MINDY3: variants seen among roughly 807,000 people sequenced by gnomAD.
The protein encoded by MINDY3 is MINDY lysine 48 deubiquitinase 3.
MINDY3 carries 38 observed loss-of-function variants against 69.2 expected under a neutral mutation model. The ratio of observed to expected loss-of-function variants is 0.55; its 90% CI spans 0.42 to 0.72. The LOEUF (loss-of-function observed/expected upper bound fraction) is 0.72. Ranked by LOEUF, MINDY3 falls within the 30% of genes least tolerant of loss-of-function variation. The pLI, the probability that MINDY3 is intolerant of heterozygous loss-of-function variation, is 0.00. For missense variants in MINDY3, 522 were observed against 519.0 expected (o/e 1.01, Z -0.06); for synonymous variants, 192 against 180.1 (o/e 1.07, Z -0.53).
chr10:15,828,572 T>G (rs1252325778), intron 8 of MINDY3, among the ~76,000 whole-genome samples: 1 of 130,642 alleles, frequency 7.7e-6, no homozygotes, highest in African/African-American at 3.6e-5. Context: ...TCAATAAAGC[T>G]ATAAGTAAAA....
chr10:15,826,039 A>G (rs1840065132), intron 8 of MINDY3, among the ~76,000 whole-genome samples: 1 of 152,156 alleles, frequency 6.6e-6, no homozygotes, highest in Non-Finnish European at 1.5e-5. Context: ...CCTTTAAGAT[A>G]AAAAAGAGAC....
At chr10:15,822,854 C>T (rs1839862595) in intron 8 of MINDY3, among the ~76,000 whole-genome samples, 1 of 152,074 alleles carries the variant, frequency 6.6e-6, no homozygotes, top group African/African-American at 2.4e-5. Context: ...ATAATAAAGT[C>T]TTTTCATAAA....
At chr10:15,815,187 T>C (rs1839271476) in intron 10 of MINDY3, among the ~76,000 whole-genome samples, 1 of 152,206 alleles carries the variant, frequency 6.6e-6, no homozygotes, top group African/African-American at 2.4e-5. Context: ...TTAGTAATTG[T>C]CAGTTTTTGT....
intron 12 of MINDY3, among the ~76,000 whole-genome samples, chr10:15,787,540 C>G (rs949913141): frequency 3.3e-5 from 5 of 152,112 alleles, no homozygotes; most frequent in African/African-American, 1.2e-4. Context: ...TTTGCCTCTT[C>G]GGTCTGGGTC....
chr10:15,829,643 C>T lies in MINDY3; in HGVS notation c.730+3987G>A, dbSNP rs374909645. Among the ~76,000 whole-genome samples the T allele has an allele frequency of 2.0e-5, 3 of 152,236 alleles. No homozygotes were observed. The South Asian group carries it at 6.2e-4, about 32-fold the overall frequency. On this transcript the variant is annotated intron_variant, in intron 8 of 14. Transcript: ENST00000277632. ...GGCACTGAGCAGAGAAATAACCTAA[C>T]AGGACGTGTAAAATAAAATCATTAA...
At chr10:15,819,273 T>A (rs1205339959) in intron 9 of MINDY3, among the ~76,000 whole-genome samples, 1 of 152,180 alleles carries the variant, frequency 6.6e-6, no homozygotes, top group African/African-American at 2.4e-5. Context: ...CCTCCAAGCA[T>A]CTCATAGAAA....
At chr10:15,828,956 C>T (rs1206753217) in intron 8 of MINDY3, among the ~76,000 whole-genome samples, 2 of 152,178 alleles carry the variant, frequency 1.3e-5, no homozygotes, top group Non-Finnish European at 2.9e-5. Context: ...TTCTTCATAA[C>T]ATATGGAGTA....
At chr10:15,850,572 G>C (rs1456045923) in intron 1 of MINDY3, among the ~76,000 whole-genome samples, 1 of 152,120 alleles carries the variant, frequency 6.6e-6, no homozygotes, top group Non-Finnish European at 1.5e-5. Context: ...GTCTCCTGTA[G>C]CGCCCCCAGG....
At chr10:15,788,334 G>A (rs1464088149) in intron 12 of MINDY3, among the ~76,000 whole-genome samples, 1 of 152,082 alleles carries the variant, frequency 6.6e-6, no homozygotes. Context: ...TCACAGCTCT[G>A]AGTAGTAAGC....
intron 10 of MINDY3, among the ~76,000 whole-genome samples, chr10:15,799,486 T>G (rs182682418): frequency 6.6e-6 from 1 of 152,270 alleles, no homozygotes; most frequent in Non-Finnish European, 1.5e-5. Context: ...CTTGAGCCAC[T>G]GCAACCAGCC....
intron 2 of MINDY3, among the ~76,000 whole-genome samples, chr10:15,845,607 TC>T (rs1833774683): frequency 6.6e-6 from 1 of 151,428 alleles, no homozygotes; most frequent in Non-Finnish European, 1.5e-5. Flanking sequence ...TCAAAGACCC[TC>T]CCCTTCTAGC....
At chr10:15,831,971 C>T (rs1043951723) in intron 8 of MINDY3, among the ~76,000 whole-genome samples, 2 of 151,994 alleles carry the variant, frequency 1.3e-5, no homozygotes, top group African/African-American at 2.4e-5. Context: ...CCACCGTGCC[C>T]GGACATGGAG....
intron 10 of MINDY3, among the ~76,000 whole-genome samples, chr10:15,814,749 C>A (rs767690266): frequency 2.6e-5 from 4 of 152,124 alleles, no homozygotes; most frequent in Non-Finnish European, 4.4e-5. Flanking sequence ...CTGTTTGACA[C>A]ATGCGACAGC....
At chr10:15,821,959 G>A (rs1668883714) in intron 8 of MINDY3, among the ~76,000 whole-genome samples, 1 of 152,048 alleles carries the variant, frequency 6.6e-6, no homozygotes, top group African/African-American at 2.4e-5. Context: ...TATATTAAAT[G>A]TATTTATAAA....
chr10:15,858,778 A>G (rs1435968627), intron 1 of MINDY3, among the ~76,000 whole-genome samples: 3 of 152,198 alleles, frequency 2.0e-5, no homozygotes, highest in African/African-American at 7.2e-5. Context: ...ATGTTTAATA[A>G]ATGTTAACTG....
intron 3 of MINDY3, among the ~76,000 whole-genome samples, chr10:15,842,945 T>C (rs1248578516): frequency 1.3e-5 from 2 of 150,260 alleles, no homozygotes; most frequent in Non-Finnish European, 3.0e-5. Flanking sequence ...TATGGCATGC[T>C]GCCACCTAAC....
chr10:15,838,044 A>G lies in MINDY3; in HGVS notation c.461+184T>C, dbSNP rs917013404. 3.1e-6 allele frequency: 3 copies of G among 982,416 alleles called. No homozygotes were observed. The African/African-American group carries it at 5.2e-5, about 17-fold the overall frequency. 60.9% of individuals were successfully genotyped at this position (982,416 alleles called of 1,614,324 possible). A position where few individuals can be genotyped will look rare whatever the true frequency, so the allele number is the denominator to read the frequency against. ...CTGGGTAGTTAATTAAGGACTCAGCATAGTTTATACATTTACAAACTATTT... is the reference window on the plus strand; with the variant it reads ...CTGGGTAGTTAATTAAGGACTCAGCGTAGTTTATACATTTACAAACTATTT... On this transcript the variant is annotated intron_variant, in intron 5 of 14. Transcript: ENST00000277632.
intron 1 of MINDY3, among the ~76,000 whole-genome samples, chr10:15,852,402 T>G (rs1588659163): frequency 1.3e-5 from 2 of 152,278 alleles, no homozygotes; most frequent in South Asian, 4.1e-4. Flanking sequence ...GGGCAGGACT[T>G]AGGATTAGAG....
chr10:15,831,951 C>T (rs1039428530), intron 8 of MINDY3, among the ~76,000 whole-genome samples: 1 of 152,128 alleles, frequency 6.6e-6, no homozygotes, highest in African/African-American at 2.4e-5. Context: ...GCTGGGACTA[C>T]AGGCATGAGC....
Sources: allele counts gnomAD v4.1 joint callset (sites outside exome capture counted in the v4.1 genomes callset), GRCh38; gene constraint gnomAD v4.1.1; transcripts MANE v1.5; gene names NCBI Gene and HGNC (gene_info 2026-07-23, HGNC 2026-07-21).